The following GLIS3 variants were observed in gnomAD, a reference collection of about 807,000 sequenced individuals.
GLIS3 encodes zinc finger protein GLIS3.
In GLIS3, 53 loss-of-function variants were observed where a neutral mutation model predicts 78.6. The ratio of observed to expected loss-of-function variants is 0.67; its 90% CI spans 0.54 to 0.85. The LOEUF (loss-of-function observed/expected upper bound fraction) is 0.85. Ranked by LOEUF, GLIS3 falls within the 40% of genes least tolerant of loss-of-function variation. The pLI, the probability that GLIS3 is intolerant of heterozygous loss-of-function variation, is 0.00. For synonymous variants in GLIS3, 684 were observed against 509.9 expected (o/e 1.34, Z -4.60); for missense variants, 1,703 against 1,231.1 (o/e 1.38, Z -5.74).
intron 2 of GLIS3, among the ~76,000 whole-genome samples, chr9:4,190,240 C>T (rs1157236291): frequency 6.6e-6 from 1 of 152,144 alleles, no homozygotes; most frequent in East Asian, 1.9e-4. Context: ...CTCCGAGCTA[C>T]AGGAGGAAAT....
rs1819738835 is a variant in GLIS3, at chr9:3,855,751, A to G, written c.2473+258T>C. On this transcript the variant is annotated intron_variant, in intron 9 of 10. Transcript: ENST00000381971. ...GAAACAGGATGCTATTGCTGGTGTT[A>G]GAGCCCTGGCCAATGAAAAAACCAG... The G allele has an allele frequency of 6.3e-6, 3 of 474,370 alleles. No individual in the cohort carries two copies. The East Asian group carries it at 1.2e-4, about 20-fold the overall frequency. The allele number at this position is 474,370 out of a possible 1,614,324, so 29.4% of individuals were successfully genotyped here. A position where few individuals can be genotyped will look rare whatever the true frequency, so the allele number is the denominator to read the frequency against.
chr9:4,443,318 A>G, the GLIS3 span, among the ~76,000 whole-genome samples: 1 of 152,182 alleles, frequency 6.6e-6, no homozygotes, highest in Admixed American at 6.5e-5. Flanking sequence ...TTTTCTGTCC[A>G]TGTCTGCATT....
At chr9:4,490,454 G>C in the GLIS3 span, 1 of 309,678 alleles carries the variant, frequency 3.2e-6, no homozygotes, top group Non-Finnish European at 5.8e-6. Context: ...GGAGGAGCCG[G>C]GCGCGCCTGC....
At position 3,872,393 on chromosome 9, in the gene GLIS3, T is replaced by G. The variant is rs182512064; in HGVS notation, c.2297+7034A>C. On this transcript the variant is annotated intron_variant, in intron 8 of 10. Coordinates refer to ENST00000381971, the MANE Select transcript of GLIS3 (RefSeq NM_001042413.2). ...TAGCAATTTACTTTATTAGTCTGTT[T>G]TCATGCTACTGTTAAAGACATACCC... 5.9e-5 allele frequency among the ~76,000 whole-genome samples: 9 copies of G among 152,292 alleles called. No individual in the cohort carries two copies. The East Asian group carries it at 1.7e-3, about 29-fold the overall frequency.
chr9:4,263,067 T>C (rs533467759), intron 2 of GLIS3, among the ~76,000 whole-genome samples: 5 of 152,348 alleles, frequency 3.3e-5, no homozygotes, highest in Non-Finnish European at 5.9e-5. Flanking sequence ...GGAGTATCCT[T>C]TCTGGTTTAC....
At chr9:4,123,965 T>C (rs778465264) in intron 3 of GLIS3, 6 of 390,322 alleles carry the variant, frequency 1.5e-5, no homozygotes, top group Non-Finnish European at 2.3e-5. Flanking sequence ...ACTCCCAGCA[T>C]GCCCCCAATG....
intron 5 of GLIS3, among the ~76,000 whole-genome samples, chr9:3,935,338 A>T (rs1024971885): frequency 6.6e-6 from 1 of 152,034 alleles, no homozygotes; most frequent in African/African-American, 2.4e-5. Context: ...TAGAGAAATA[A>T]TTTTTCCAAA....
At chr9:4,482,567 G>A in the GLIS3 span, among the ~76,000 whole-genome samples, 1 of 152,160 alleles carries the variant, frequency 6.6e-6, no homozygotes, top group African/African-American at 2.4e-5. Flanking sequence ...ACCGCATGAG[G>A]ACAAAGCAAT....
intron 4 of GLIS3, among the ~76,000 whole-genome samples, chr9:3,978,873 A>G (rs1819010265): frequency 6.6e-6 from 1 of 152,112 alleles, no homozygotes; most frequent in Non-Finnish European, 1.5e-5. Context: ...GATTAGAAAT[A>G]TTTTTTAAAA....
At chr9:3,832,376 AAGC>A (rs1279481795) in intron 9 of GLIS3, among the ~76,000 whole-genome samples, 2 of 152,200 alleles carry the variant, frequency 1.3e-5, no homozygotes, top group African/African-American at 4.8e-5. Flanking sequence ...AGAAAGGACA[AAGC>A]AGCAGGTATG....
chr9:4,418,568 A>G, the GLIS3 span, among the ~76,000 whole-genome samples: 17,313 of 152,064 alleles, frequency 0.11, 2,286 homozygotes, highest in African/African-American at 0.3. Context: ...GCGTAGTGGC[A>G]GGTGCCTGTA....
the GLIS3 span, among the ~76,000 whole-genome samples, chr9:4,431,456 G>C: frequency 6.8e-6 from 1 of 147,298 alleles, no homozygotes; most frequent in African/African-American, 2.5e-5. Context: ...AAGATGAGGA[G>C]TTTTGCTCCA....
intron 2 of GLIS3, among the ~76,000 whole-genome samples, chr9:4,226,451 G>A (rs374080946): frequency 2.6e-5 from 4 of 152,114 alleles, no homozygotes; most frequent in East Asian, 3.9e-4. Context: ...ACAGAAAGAC[G>A]AGCTCCTCCC....
At chr9:4,116,690 G>A (rs1772017782) in intron 4 of GLIS3, among the ~76,000 whole-genome samples, 1 of 152,132 alleles carries the variant, frequency 6.6e-6, no homozygotes, top group African/African-American at 2.4e-5. Context: ...CAGAAAGAAG[G>A]AACTCGGGCT....
rs566342838 is a variant in GLIS3 at position 4,297,957 on chromosome 9, G to C, written c.-99+1464C>G. ...CGGAGCTAGGGGCGGGTCCGGAGGC[G>C]GAGGCGACAGCGCCCGGCGGGGTAC... On this transcript the variant is annotated intron_variant, in intron 1 of 10. Coordinates refer to ENST00000381971, the MANE Select transcript of GLIS3 (RefSeq NM_001042413.2). Among the ~76,000 whole-genome samples, 245 of 152,256 alleles carry C rather than the reference G, an allele frequency of 1.6e-3. 1 individual carries two copies. Among genetic ancestry groups the C allele is most frequent in the South Asian group, 2.1e-3 (10 of 4,830 alleles).
intron 7 of GLIS3, among the ~76,000 whole-genome samples, chr9:3,889,120 T>A (rs920571817): frequency 6.6e-6 from 1 of 152,174 alleles, no homozygotes; most frequent in Non-Finnish European, 1.5e-5. Context: ...TTGGGCAGAA[T>A]AAAACCAGGA....
At chr9:4,377,784 A>C in the GLIS3 span, among the ~76,000 whole-genome samples, 1 of 152,156 alleles carries the variant, frequency 6.6e-6, no homozygotes, top group Non-Finnish European at 1.5e-5. Context: ...TGAAAGTTGC[A>C]CTTGTTTAGG....
chr9:4,406,511 G>C, the GLIS3 span, among the ~76,000 whole-genome samples: 2 of 151,942 alleles, frequency 1.3e-5, no homozygotes, highest in Admixed American at 1.3e-4. Flanking sequence ...GTAGAGAAGG[G>C]GTTTCTCAAT....
chr9:4,279,995 A>G (rs953617813), intron 2 of GLIS3, among the ~76,000 whole-genome samples: 2 of 152,114 alleles, frequency 1.3e-5, no homozygotes, highest in African/African-American at 4.8e-5. Flanking sequence ...ATAAAAAATA[A>G]TATAAAATTG....
Sources: gnomAD v4.1 joint callset for allele counts (sites outside exome capture counted in the v4.1 genomes callset) on GRCh38, gnomAD v4.1.1 for gene constraint, MANE v1.5 for transcripts, NCBI Gene and HGNC (gene_info 2026-07-23, HGNC 2026-07-21) for gene names.